Variants in COL19A1 observed in about 807,000 individuals in gnomAD.
COL19A1 encodes the protein collagen alpha-1(XIX) chain.
A neutral mutation model predicts 190.2 loss-of-function variants in COL19A1; 159 were observed. That is an observed-to-expected ratio of 0.84 (90% CI 0.73 to 0.95). The LOEUF is 0.95. Among genes scored for constraint, COL19A1 ranks in the 40% least tolerant of loss-of-function variants. COL19A1 has a pLI of 0.00. For synonymous variants in COL19A1, 509 were observed against 458.9 expected, an observed-to-expected ratio of 1.11 and a Z score of -1.39; for missense variants, 1,418 against 1,431.9, an observed-to-expected ratio of 0.99 and a Z score of 0.16.
intron 4 of COL19A1, among the ~76,000 whole-genome samples, chr6:69,917,790 A>G (rs1472015747): frequency 2.6e-5 from 4 of 152,160 alleles, no homozygotes; most frequent in Non-Finnish European, 5.9e-5. Context: ...TGGACCACAC[A>G]TGAAATATAC....
At chr6:69,992,367 G>T (rs920671005) in intron 11 of COL19A1, among the ~76,000 whole-genome samples, 4 of 151,952 alleles carry the variant, frequency 2.6e-5, no homozygotes, top group Admixed American at 1.3e-4. Context: ...GGCTACCAAG[G>T]CTCTTTTTTG....
chr6:69,901,859 C>A (rs1386768511), intron 4 of COL19A1, among the ~76,000 whole-genome samples: 1 of 152,180 alleles, frequency 6.6e-6, no homozygotes, highest in African/African-American at 2.4e-5. Flanking sequence ...TTTTAAAATT[C>A]ATTGGATTAC....
At chr6:70,075,238 G>A (rs1781814478) in intron 15 of COL19A1, among the ~76,000 whole-genome samples, 1 of 152,200 alleles carries the variant, frequency 6.6e-6, no homozygotes, top group Non-Finnish European at 1.5e-5. Context: ...CAAGCAACAA[G>A]TGCAGAGCTT....
intron 49 of COL19A1, 31 bp downstream of exon 49, chr6:70,199,767 G>T: frequency 1.3e-6 from 2 of 1,566,380 alleles, no homozygotes; most frequent in South Asian, 2.4e-5. Context: ...TTGGCTTATT[G>T]ATTTTTAACT....
chr6:70,192,857 C>T (rs918612426), intron 48 of COL19A1, among the ~76,000 whole-genome samples: 2 of 152,144 alleles, frequency 1.3e-5, no homozygotes, highest in African/African-American at 4.8e-5. Flanking sequence ...TTTAGTTGAC[C>T]TCAACCATGA....
chr6:70,102,609 T>C (rs1422530989), intron 16 of COL19A1, among the ~76,000 whole-genome samples: 1 of 152,204 alleles, frequency 6.6e-6, no homozygotes, highest in Non-Finnish European at 1.5e-5. Flanking sequence ...TGGGGAAGCA[T>C]ATCCACTTTT....
chr6:70,027,143 G>A (rs559682392), intron 12 of COL19A1, among the ~76,000 whole-genome samples: 1 of 152,288 alleles, frequency 6.6e-6, no homozygotes, highest in African/African-American at 2.4e-5. Context: ...TAAACTCAGT[G>A]AGCCAGGTGA....
chr6:70,192,720 T>A (rs1038925221), intron 48 of COL19A1, among the ~76,000 whole-genome samples: 1 of 152,192 alleles, frequency 6.6e-6, no homozygotes, highest in South Asian at 2.1e-4. Context: ...TAAAAAATGA[T>A]TAAGAATTTT....
At chr6:70,195,515 G>T (rs1326129471) in intron 48 of COL19A1, among the ~76,000 whole-genome samples, 2 of 152,114 alleles carry the variant, frequency 1.3e-5, no homozygotes. Flanking sequence ...CAGATTTTCA[G>T]TTTGGAAGCC....
chr6:69,926,484 T>G (rs1562004864), intron 4 of COL19A1, among the ~76,000 whole-genome samples: 1 of 152,058 alleles, frequency 6.6e-6, no homozygotes, highest in Non-Finnish European at 1.5e-5. Flanking sequence ...AATTTTTGAA[T>G]AGAAAAGTAT....
At chr6:70,005,355 G>A (rs1198829262) in intron 11 of COL19A1, among the ~76,000 whole-genome samples, 2 of 152,008 alleles carry the variant, frequency 1.3e-5, no homozygotes, top group Non-Finnish European at 2.9e-5. Context: ...TGTTTTTCTT[G>A]ATACTGTTGT....
At chr6:70,070,283 T>C (rs1323017327) in intron 15 of COL19A1, among the ~76,000 whole-genome samples, 2 of 152,144 alleles carry the variant, frequency 1.3e-5, no homozygotes, top group Non-Finnish European at 2.9e-5. Flanking sequence ...ACATGTATTT[T>C]CCATGATAAT....
intron 16 of COL19A1, among the ~76,000 whole-genome samples, chr6:70,119,006 C>T (rs1215922500): frequency 6.6e-6 from 1 of 152,194 alleles, no homozygotes; most frequent in East Asian, 1.9e-4. Context: ...TCCCATTTCA[C>T]CCAATTTTTT....
At chr6:70,007,464 A>G (rs1165642575) in intron 11 of COL19A1, among the ~76,000 whole-genome samples, 3 of 152,052 alleles carry the variant, frequency 2.0e-5, no homozygotes, top group Admixed American at 2.0e-4. Flanking sequence ...ATGACAAGTG[A>G]CATTATTGGA....
At position 70,190,302 on chromosome 6, in the gene COL19A1, T is replaced by A. The variant is rs905506913; in HGVS notation, c.3028-13T>A. ...ATGCTCTATTTTAACAACCTTTTTT[T>A]TTCCTTCTTCAGGCTGATGCAGTTT... On this transcript the variant is annotated splice_polypyrimidine_tract_variant and intron_variant, in intron 47 of 50. Transcript: ENST00000620364. The A allele has an allele frequency of 2.5e-6, 4 of 1,588,514 alleles. No homozygotes were observed. Among genetic ancestry groups the A allele is most frequent in the Non-Finnish European group, 8.6e-7 (1 of 1,160,024 alleles).
chr6:70,180,572 A>G, intron 44 of COL19A1, 49 bp downstream of exon 44: 1 of 1,572,660 alleles, frequency 6.4e-7, no homozygotes, highest in Non-Finnish European at 8.8e-7. Flanking sequence ...AAATGCTCTA[A>G]CATTATCTCC....
intron 2 of COL19A1, among the ~76,000 whole-genome samples, chr6:69,897,625 C>T (rs1050466371): frequency 3.3e-5 from 5 of 152,092 alleles, no homozygotes; most frequent in African/African-American, 1.2e-4. Flanking sequence ...TAATTTCTCT[C>T]AGGCATGTTT....
intron 10 of COL19A1, among the ~76,000 whole-genome samples, chr6:69,961,607 T>G (rs1774802615): frequency 6.6e-6 from 1 of 152,192 alleles, no homozygotes; most frequent in South Asian, 2.1e-4. Context: ...AGACCATGCA[T>G]TCAGTGGTGA....
intron 14 of COL19A1, among the ~76,000 whole-genome samples, chr6:70,064,272 A>G (rs528534314): frequency 6.6e-6 from 1 of 152,220 alleles, no homozygotes; most frequent in Non-Finnish European, 1.5e-5. Context: ...CAAAAAGCTT[A>G]TCCACCATGA....
Sources: gnomAD v4.1 joint callset for allele counts (sites outside exome capture counted in the v4.1 genomes callset) on GRCh38, gnomAD v4.1.1 for gene constraint, MANE v1.5 for transcripts, NCBI Gene and HGNC (gene_info 2026-07-23, HGNC 2026-07-21) for gene names.